The following ASCC3 variants were observed in gnomAD, a reference collection of about 807,000 sequenced individuals.
The protein encoded by ASCC3 is activating signal cointegrator 1 complex subunit 3.
Under a neutral mutation model 256.3 loss-of-function variants are expected in ASCC3, and 158 were observed. That is an observed-to-expected ratio of 0.62 (90% CI 0.54 to 0.70). ASCC3 has a LOEUF of 0.70. ASCC3 is among the 30% of genes least tolerant of loss of function. ASCC3 has a pLI of 0.00. For synonymous variants in ASCC3, 948 were observed against 883.4 expected (o/e 1.07, Z -1.30); for missense variants, 2,259 against 2,626.0 (o/e 0.86, Z 3.05).
At chr6:100,690,161 A>T (rs1010687058) in intron 13 of ASCC3, among the ~76,000 whole-genome samples, 1 of 152,138 alleles carries the variant, frequency 6.6e-6, no homozygotes, top group Non-Finnish European at 1.5e-5. Context: ...TAACCTATGC[A>T]CATCCTTCTG....
chr6:100,622,421 G>T (rs1326072835), intron 30 of ASCC3, among the ~76,000 whole-genome samples: 2 of 152,036 alleles, frequency 1.3e-5, no homozygotes, highest in Non-Finnish European at 2.9e-5. Context: ...TGAGGTAGGG[G>T]TCTTGCTTCC....
intron 36 of ASCC3, 142 bp downstream of exon 36, chr6:100,589,492 T>G: frequency 1.1e-6 from 1 of 905,864 alleles, no homozygotes; most frequent in Non-Finnish European, 1.7e-6. Context: ...TATCTTAGTC[T>G]AGATGTGTTG....
intron 37 of ASCC3, among the ~76,000 whole-genome samples, chr6:100,539,479 TGCAAAATGTAAAAA>T (rs1312641419): frequency 6.6e-6 from 1 of 152,192 alleles, no homozygotes; most frequent in Admixed American, 6.5e-5. Context: ...TAAAGATACT[TGCAAAATGTAAAAA>T]CTGCAATACT....
chr6:100,814,320 T>C (rs1451243818), intron 4 of ASCC3, among the ~76,000 whole-genome samples: 1 of 152,210 alleles, frequency 6.6e-6, no homozygotes, highest in Non-Finnish European at 1.5e-5. Flanking sequence ...CATTTTCTAA[T>C]GTGTTGCTGG....
chr6:100,873,879 T>C (rs1196314179), intron 1 of ASCC3, among the ~76,000 whole-genome samples: 1 of 152,230 alleles, frequency 6.6e-6, no homozygotes, highest in African/African-American at 2.4e-5. Context: ...AAAAGAGCTC[T>C]AAATCTTGAA....
chr6:100,809,095 G>C (rs895894357), intron 4 of ASCC3, among the ~76,000 whole-genome samples: 2 of 151,888 alleles, frequency 1.3e-5, no homozygotes, highest in African/African-American at 2.4e-5. Flanking sequence ...ATGAGTGAAT[G>C]TGAAGGCCTA....
chr6:100,743,212 G>A (rs943969168), intron 10 of ASCC3, among the ~76,000 whole-genome samples: 1 of 152,138 alleles, frequency 6.6e-6, no homozygotes. Context: ...CCACTCTTGG[G>A]TGGGCCATCA....
intron 14 of ASCC3, among the ~76,000 whole-genome samples, chr6:100,677,352 C>T (rs1174216322): frequency 1.4e-5 from 2 of 143,658 alleles, no homozygotes; most frequent in South Asian, 2.4e-4. Context: ...AAAAAAGACC[C>T]CATGCCCTAA....
chr6:100,549,747 A>C (rs936624062), intron 36 of ASCC3, among the ~76,000 whole-genome samples: 10 of 152,030 alleles, frequency 6.6e-5, no homozygotes, highest in Admixed American at 6.6e-4. Flanking sequence ...CCTTCAAGGA[A>C]ATTAAAATAA....
intron 10 of ASCC3, among the ~76,000 whole-genome samples, chr6:100,727,017 C>G (rs78952078): frequency 0.015 from 2,262 of 152,114 alleles, 51 homozygotes; most frequent in African/African-American, 0.051. Flanking sequence ...ATTAATTTGA[C>G]AGCAAAACCA....
intron 13 of ASCC3, among the ~76,000 whole-genome samples, chr6:100,687,435 C>G (rs916486622): frequency 6.6e-6 from 1 of 152,084 alleles, no homozygotes; most frequent in Non-Finnish European, 1.5e-5. Flanking sequence ...GATCTCAGCC[C>G]ACTGCAACCT....
chr6:100,840,946 AAG>A (rs1025231987), intron 4 of ASCC3, among the ~76,000 whole-genome samples: 2 of 152,234 alleles, frequency 1.3e-5, no homozygotes, highest in South Asian at 4.1e-4. Context: ...CTGAAAAAAA[AAG>A]AGAAAAAATT....
chr6:100,655,922 T>C, intron 16 of ASCC3, 104 bp from the exon 17 acceptor site: 1 of 1,338,944 alleles, frequency 7.5e-7, no homozygotes, highest in African/African-American at 1.4e-5. Flanking sequence ...TACATCATTA[T>C]GCAGTATTTT....
At chr6:100,828,025 A>G (rs1257105393) in intron 4 of ASCC3, among the ~76,000 whole-genome samples, 4 of 151,726 alleles carry the variant, frequency 2.6e-5, no homozygotes, top group Non-Finnish European at 4.4e-5. Flanking sequence ...CTTATTTCTC[A>G]TAAGAAAAAT....
intron 3 of ASCC3, chr6:100,856,328 A>G: frequency 1.1e-6 from 1 of 877,238 alleles, no homozygotes; most frequent in African/African-American, 1.8e-5. Context: ...CCAATTTATT[A>G]TACTTATGAT....
chr6:100,609,682 T>C (rs565381118), intron 30 of ASCC3, among the ~76,000 whole-genome samples: 28 of 152,176 alleles, frequency 1.8e-4, no homozygotes, highest in African/African-American at 6.5e-4. Context: ...GGTGGGTGGA[T>C]CATGTAAGGT....
chr6:100,618,638 T>C (rs1773787461), intron 30 of ASCC3, among the ~76,000 whole-genome samples: 1 of 152,180 alleles, frequency 6.6e-6, no homozygotes, highest in Non-Finnish European at 1.5e-5. Flanking sequence ...TACTGCTCAG[T>C]GCCTAATATG....
intron 17 of ASCC3, 95 bp downstream of exon 17, chr6:100,655,604 G>T: frequency 7.1e-7 from 1 of 1,417,694 alleles, no homozygotes; most frequent in Non-Finnish European, 9.7e-7. Flanking sequence ...CCTCTTTTCA[G>T]ATGAGGCAAG....
chr6:100,646,104 G>A (rs1775367102), intron 22 of ASCC3, among the ~76,000 whole-genome samples: 1 of 151,940 alleles, frequency 6.6e-6, no homozygotes, highest in Non-Finnish European at 1.5e-5. Flanking sequence ...AGTAGACATG[G>A]CAAAAATGAA....
Sources: gnomAD v4.1 joint callset for allele counts (sites outside exome capture counted in the v4.1 genomes callset) on GRCh38, gnomAD v4.1.1 for gene constraint, MANE v1.5 for transcripts, NCBI Gene and HGNC (gene_info 2026-07-23, HGNC 2026-07-21) for gene names.